ERC2: variants seen among roughly 807,000 people sequenced by gnomAD.
The protein encoded by ERC2 is ELKS/RAB6-interacting/CAST family member 2, also known as ERC protein 2.
A neutral mutation model predicts 114.8 loss-of-function variants in ERC2; 42 were observed. That is an observed-to-expected ratio of 0.37 (90% CI 0.29 to 0.47). ERC2 has a LOEUF of 0.47. Among genes scored for constraint, ERC2 ranks in the 20% least tolerant of loss-of-function variants. ERC2 has a pLI of 0.99. For missense variants in ERC2, 939 were observed against 1,150.7 expected (o/e 0.82, Z 2.66); for synonymous variants, 454 against 425.5 (o/e 1.07, Z -0.82).
chr3:55,651,521 A>T (rs2060621121), intron 17 of ERC2, among the ~76,000 whole-genome samples: 1 of 152,166 alleles, frequency 6.6e-6, no homozygotes, highest in Non-Finnish European at 1.5e-5. Context: ...CTCAGGCTTC[A>T]GCTGGGGGAT....
At chr3:56,443,807 T>C (rs1161021311) in intron 1 of ERC2, among the ~76,000 whole-genome samples, 1 of 152,098 alleles carries the variant, frequency 6.6e-6, no homozygotes, top group Non-Finnish European at 1.5e-5. Flanking sequence ...CATTACTGAC[T>C]TAAAACTATT....
intron 3 of ERC2, among the ~76,000 whole-genome samples, chr3:56,251,070 T>G (rs2052118002): frequency 6.6e-6 from 1 of 152,150 alleles, no homozygotes; most frequent in African/African-American, 2.4e-5. Flanking sequence ...CACGATAATA[T>G]TGCAGGGATC....
intron 3 of ERC2, among the ~76,000 whole-genome samples, chr3:56,234,371 GT>G (rs910864625): frequency 6.6e-6 from 1 of 152,118 alleles, no homozygotes; most frequent in Non-Finnish European, 1.5e-5. Flanking sequence ...CCTTCAGTGG[GT>G]TTTTTTATAA....
intron 7 of ERC2, among the ~76,000 whole-genome samples, chr3:56,074,452 T>C (rs1235715246): frequency 6.6e-6 from 1 of 152,156 alleles, no homozygotes; most frequent in African/African-American, 2.4e-5. Context: ...TAATTGGAAA[T>C]GACCACATAT....
At chr3:56,453,200 A>G (rs549111891) in intron 1 of ERC2, among the ~76,000 whole-genome samples, 2 of 152,314 alleles carry the variant, frequency 1.3e-5, no homozygotes, top group Admixed American at 6.5e-5. Context: ...GCTTGGCCGT[A>G]TGACTTGTTT....
chr3:55,645,908 C>T (rs1041850641), intron 17 of ERC2, among the ~76,000 whole-genome samples: 12 of 152,146 alleles, frequency 7.9e-5, no homozygotes, highest in African/African-American at 2.9e-4. Context: ...GAAGAGGGCC[C>T]TTTCAGTGCA....
chr3:55,641,772 A>G (rs1271881197), intron 17 of ERC2, among the ~76,000 whole-genome samples: 1 of 152,056 alleles, frequency 6.6e-6, no homozygotes, highest in Admixed American at 6.5e-5. Context: ...TTAAAAGAAG[A>G]GCAGAAATTT....
intron 14 of ERC2, among the ~76,000 whole-genome samples, chr3:55,777,694 C>T (rs1036305315): frequency 3.3e-5 from 5 of 152,138 alleles, no homozygotes; most frequent in African/African-American, 1.2e-4. Flanking sequence ...TAGCTGATCC[C>T]CCTAACCGAC....
chr3:56,079,759 G>T (rs746887612), intron 7 of ERC2, among the ~76,000 whole-genome samples: 1 of 152,174 alleles, frequency 6.6e-6, no homozygotes, highest in African/African-American at 2.4e-5. Flanking sequence ...GTTGTGACTG[G>T]AGAGTTTTTA....
In ERC2 at chr3:56,139,746, T is replaced by G. The variant is rs1455542229; in HGVS notation, c.1306-70A>C. On this transcript the variant is annotated intron_variant, in intron 5 of 17. Transcript: ENST00000288221. ...CCTACACTTTACATTGGACAACTAC[T>G]GATTTCTCTCCATTTCAGCAGCCAG... 5 of 1,463,440 alleles carry G rather than the reference T, an allele frequency of 3.4e-6. No individual in the cohort carries two copies. The African/African-American group carries it at 7.1e-5, about 21-fold the overall frequency. 90.7% of individuals were successfully genotyped at this position (1,463,440 alleles called of 1,614,324 possible).
intron 17 of ERC2, among the ~76,000 whole-genome samples, chr3:55,622,889 G>T (rs2059380614): frequency 6.6e-6 from 1 of 151,944 alleles, no homozygotes; most frequent in African/African-American, 2.4e-5. Flanking sequence ...ACCGAGACTT[G>T]GACCATGCTG....
intron 17 of ERC2, among the ~76,000 whole-genome samples, chr3:55,577,885 G>T (rs779622404): frequency 3.3e-5 from 5 of 152,166 alleles, no homozygotes; most frequent in African/African-American, 4.8e-5. Flanking sequence ...AGTATGAGTT[G>T]GGGTAGAAAA....
At chr3:56,444,236 G>A (rs2062457528) in intron 1 of ERC2, among the ~76,000 whole-genome samples, 3 of 151,566 alleles carry the variant, frequency 2.0e-5, no homozygotes, top group Non-Finnish European at 2.9e-5. Context: ...TTCCCAAAGT[G>A]CTGGGATTAC....
intron 6 of ERC2, among the ~76,000 whole-genome samples, chr3:56,127,580 G>A (rs1385430921): frequency 6.6e-6 from 1 of 152,012 alleles, no homozygotes; most frequent in Admixed American, 6.6e-5. Flanking sequence ...ATAATTAGCT[G>A]GGCACGGTGG....
chr3:55,789,090 C>T (rs898431302), intron 14 of ERC2, among the ~76,000 whole-genome samples: 1 of 152,170 alleles, frequency 6.6e-6, no homozygotes, highest in Admixed American at 6.5e-5. Flanking sequence ...TCTTTGTCGT[C>T]GTGTTACAAT....
chr3:56,184,779 C>A (rs1281822091), intron 3 of ERC2, among the ~76,000 whole-genome samples: 1 of 152,146 alleles, frequency 6.6e-6, no homozygotes, highest in Admixed American at 6.5e-5. Context: ...TTTCTCAGTT[C>A]CCTGATAGAA....
At chr3:55,875,493 T>A (rs2062786252) in intron 14 of ERC2, among the ~76,000 whole-genome samples, 1 of 152,178 alleles carries the variant, frequency 6.6e-6, no homozygotes, top group Admixed American at 6.5e-5. Context: ...ACACTGCATT[T>A]CAATTTTCAC....
rs904257828 is a variant in ERC2, at chr3:56,425,549, C to T, written c.657+8802G>A. ...TTACAAGAACTAACCAACTCCACCC[C>T]GACCCTTTTTCTTTTTTTTTTTTTT... On this transcript the variant is annotated intron_variant, in intron 2 of 17. Transcript: ENST00000288221. 1.6e-4 allele frequency among the ~76,000 whole-genome samples: 22 copies of T among 139,544 alleles called. 1 individual carries two copies. The highest frequency in any genetic ancestry group is 2.4e-4 in the Non-Finnish European group (16 of 66,102). 91.5% of individuals were successfully genotyped at this position (139,544 alleles called of 152,430 possible).
chr3:56,371,267 G>A (rs1418618422), intron 2 of ERC2, among the ~76,000 whole-genome samples: 1 of 152,196 alleles, frequency 6.6e-6, no homozygotes, highest in Admixed American at 6.5e-5. Context: ...GTCAATGACT[G>A]CCAGTTTCTC....
Sources: allele counts gnomAD v4.1 joint callset (sites outside exome capture counted in the v4.1 genomes callset), GRCh38; gene constraint gnomAD v4.1.1; transcripts MANE v1.5; gene names NCBI Gene and HGNC (gene_info 2026-07-23, HGNC 2026-07-21).